The following SLC7A2 variants were observed in gnomAD, a reference collection of about 807,000 sequenced individuals.
SLC7A2 encodes cationic amino acid transporter 2.
SLC7A2 carries 48 observed loss-of-function variants against 58.9 expected under a neutral mutation model. That is an observed-to-expected ratio of 0.82 (90% CI 0.65 to 1.04). The LOEUF (loss-of-function observed/expected upper bound fraction) is 1.04, where lower values mean the gene tolerates loss of function less well. SLC7A2 is among the 50% of genes least tolerant of loss of function. SLC7A2 has a pLI of 0.00. For synonymous variants in SLC7A2, 363 were observed against 314.5 expected, an observed-to-expected ratio of 1.15 and a Z score of -1.63; for missense variants, 1,029 against 818.8, an observed-to-expected ratio of 1.26 and a Z score of -3.13.
chr8:17,564,137 T>C (rs1441148018), intron 12 of SLC7A2, among the ~76,000 whole-genome samples: 1 of 152,204 alleles, frequency 6.6e-6, no homozygotes. Flanking sequence ...TTCTTCGGAC[T>C]CTCCTGGTGA....
chr8:17,567,225 C>T lies in SLC7A2; in HGVS notation c.*2079C>T, dbSNP rs1005616052. The T allele has an allele frequency of 6.6e-6, 1 of 152,526 alleles. No homozygotes were observed. The highest frequency in any genetic ancestry group is 1.5e-5 in the Non-Finnish European group (1 of 68,026). 9.4% of individuals were successfully genotyped at this position (152,526 alleles called of 1,614,324 possible). ...CATGCTCATAAATCCTTGCTGTTGTCACAGTACGCTGAAAACCCGTTTGAT... is the reference window on the plus strand; with the variant it reads ...CATGCTCATAAATCCTTGCTGTTGTTACAGTACGCTGAAAACCCGTTTGAT... On this transcript the variant is annotated 3_prime_UTR_variant, in exon 13 of 13. Coordinates refer to ENST00000494857, the MANE Select transcript of SLC7A2 (RefSeq NM_001370338.1).
At chr8:17,556,558 C>T (rs1439838115) in intron 8 of SLC7A2, among the ~76,000 whole-genome samples, 1 of 151,850 alleles carries the variant, frequency 6.6e-6, no homozygotes, top group Non-Finnish European at 1.5e-5. Flanking sequence ...ATTTGGCTCT[C>T]TGTGATTTTT....
At chr8:17,546,276 G>C (rs925679127) in intron 4 of SLC7A2, among the ~76,000 whole-genome samples, 1 of 152,172 alleles carries the variant, frequency 6.6e-6, no homozygotes, top group Non-Finnish European at 1.5e-5. Context: ...CTCAGGTCTT[G>C]GCTCATTTGT....
intron 2 of SLC7A2, among the ~76,000 whole-genome samples, chr8:17,509,101 T>G (rs1800491535): frequency 6.6e-6 from 1 of 152,104 alleles, no homozygotes; most frequent in Non-Finnish European, 1.5e-5. Context: ...GTACCAACTG[T>G]AATTGAAAGT....
chr8:17,524,421 TAC>T (rs367710230), intron 2 of SLC7A2, among the ~76,000 whole-genome samples: 4,480 of 134,774 alleles, frequency 0.033, 88 homozygotes, highest in African/African-American at 0.052. Flanking sequence ...TGTGTGTGTG[TAC>T]ACACACACAC....
Position 17,544,103 on chromosome 8 carries a change from C to T in SLC7A2, c.377-348C>T, listed in dbSNP as rs1407014612. Reference sequence around the variant, plus strand: ...CAAGCTGGTCTCGAACTCCTGACCTCAGGTGATCCACTCACCTCGGCCTCC... The same window carrying T: ...CAAGCTGGTCTCGAACTCCTGACCTTAGGTGATCCACTCACCTCGGCCTCC... On this transcript the variant is annotated intron_variant, in intron 3 of 12. Transcript: ENST00000494857. Among the ~76,000 whole-genome samples, 3 of 152,210 alleles carry T rather than the reference C, an allele frequency of 2.0e-5. No individual in the cohort carries two copies. In the East Asian group the frequency reaches 5.8e-4, roughly 29 times the overall value.
intron 2 of SLC7A2, among the ~76,000 whole-genome samples, chr8:17,542,104 G>A (rs1399703576): frequency 1.3e-5 from 2 of 152,160 alleles, no homozygotes; most frequent in Non-Finnish European, 2.9e-5. Context: ...TAGTTGAATA[G>A]CACTTTTAGA....
chr8:17,551,166 C>T (rs894156498), intron 6 of SLC7A2, among the ~76,000 whole-genome samples: 19 of 152,092 alleles, frequency 1.2e-4, no homozygotes, highest in African/African-American at 3.6e-4. Flanking sequence ...TGCTATGTTA[C>T]GGGTTTTGGT....
chr8:17,504,935 C>T (rs774496809), intron 2 of SLC7A2, among the ~76,000 whole-genome samples: 24 of 152,172 alleles, frequency 1.6e-4, no homozygotes, highest in Non-Finnish European at 3.1e-4. Flanking sequence ...TCCTTTACTC[C>T]GATCTGCTGG....
At chr8:17,498,574 C>T (rs1189796199) in intron 1 of SLC7A2, 1 of 152,204 alleles carries the variant, frequency 6.6e-6, no homozygotes, top group Admixed American at 6.5e-5. Flanking sequence ...TACAAAGTTG[C>T]TAGTTGCCTG....
intron 8 of SLC7A2, 88 bp downstream of exon 8, chr8:17,554,787 T>G: frequency 6.8e-7 from 1 of 1,471,200 alleles, no homozygotes; most frequent in Non-Finnish European, 9.1e-7. Context: ...GTGGTTTTCT[T>G]TTTTGATTTC....
chr8:17,529,243 A>C (rs12679616), intron 2 of SLC7A2, among the ~76,000 whole-genome samples: 3,450 of 152,258 alleles, frequency 0.023, 74 homozygotes, highest in South Asian at 0.12. Flanking sequence ...AATTGTCCTT[A>C]ACCACACGTC....
At position 17,560,368 on chromosome 8, in the gene SLC7A2, C is replaced by T; in HGVS notation, c.1339C>T (p.Pro447Ser). The T allele has an allele frequency of 6.2e-7, 1 of 1,614,112 alleles. No individual in the cohort carries two copies. Among genetic ancestry groups the T allele is most frequent in the Non-Finnish European group, 8.5e-7 (1 of 1,179,996 alleles). The change falls in exon 10 of 13, where the codon CCT becomes TCT. Residue 447 changes from proline to serine, a missense_variant. Transcript: ENST00000494857. ...ATCTTACGACCAGCCCAAATGTTCT[C>T]CTGAGAAAGATGGTCTGGGATCGTC... ...GLSYDQPKCS[P>S]EKDGLGSSPR...
At chr8:17,538,959 G>A (rs1352799876) in intron 2 of SLC7A2, 2 of 1,586,446 alleles carry the variant, frequency 1.3e-6, no homozygotes, top group Non-Finnish European at 8.7e-7. Context: ...TACTGATATA[G>A]AAGATTAAGT....
intron 2 of SLC7A2, among the ~76,000 whole-genome samples, chr8:17,524,421 TACACACACACACAC>T (rs367710230): frequency 8.1e-5 from 11 of 135,030 alleles, no homozygotes; most frequent in South Asian, 5.2e-4. Context: ...TGTGTGTGTG[TACACACACACACAC>T]ACACACACAC....
In SLC7A2 at chr8:17,543,732, A is replaced by G; in HGVS notation, c.376+17A>G. ...ATGTGATAGGTATGTTTCAAAAAGA[A>G]ATCTAACTTGTGTGGAATGGAAGAA... On this transcript the variant is annotated intron_variant, in intron 3 of 12. Coordinates refer to ENST00000494857, the MANE Select transcript of SLC7A2 (RefSeq NM_001370338.1). 6.6e-7 allele frequency: 1 copy of G among 1,511,224 alleles called. No individual in the cohort carries two copies. The highest frequency in any genetic ancestry group is 8.8e-7 in the Non-Finnish European group (1 of 1,130,490). The allele number at this position is 1,511,224 out of a possible 1,614,324, so 93.6% of individuals were successfully genotyped here. A position where few individuals can be genotyped will look rare whatever the true frequency, so the allele number is the denominator to read the frequency against.
intron 2 of SLC7A2, among the ~76,000 whole-genome samples, chr8:17,527,993 G>A (rs1042149578): frequency 3.9e-5 from 6 of 152,090 alleles, no homozygotes; most frequent in African/African-American, 1.2e-4. Context: ...TTAGCTCAAG[G>A]GAGTGTCAGG....
In SLC7A2 at chr8:17,497,176, C is replaced by G. The variant is rs1426941886; in HGVS notation, c.-130C>G. ...CTCCAGCGTCCCCCAGCCGCGGGCCCCCGACGCGCTGCAGCCGGCAGCCCA... is the reference window on the plus strand; with the variant it reads ...CTCCAGCGTCCCCCAGCCGCGGGCCGCCGACGCGCTGCAGCCGGCAGCCCA... On this transcript the variant is annotated 5_prime_UTR_variant, in exon 1 of 13. Transcript: ENST00000494857. 2.0e-5 allele frequency: 3 copies of G among 151,964 alleles called. No individual in the cohort carries two copies. Among genetic ancestry groups the G allele is most frequent in the Admixed American group, 1.3e-4 (2 of 15,272 alleles). 9.4% of individuals were successfully genotyped at this position (151,964 alleles called of 1,614,324 possible). A position where few individuals can be genotyped will look rare whatever the true frequency, so the allele number is the denominator to read the frequency against.
At chr8:17,515,142 C>T (rs901735641) in intron 2 of SLC7A2, among the ~76,000 whole-genome samples, 24 of 152,126 alleles carry the variant, frequency 1.6e-4, no homozygotes, top group Non-Finnish European at 4.4e-5. Context: ...GAAACGTTTA[C>T]CAACTCAATA....
Sources: gnomAD v4.1 joint callset for allele counts (sites outside exome capture counted in the v4.1 genomes callset) on GRCh38, gnomAD v4.1.1 for gene constraint, MANE v1.5 for transcripts, NCBI Gene and HGNC (gene_info 2026-07-23, HGNC 2026-07-21) for gene names.